Variants in TIAM2 observed in about 807,000 individuals in gnomAD.
The protein encoded by TIAM2 is rho guanine nucleotide exchange factor TIAM2.
TIAM2 carries 80 observed loss-of-function variants against 152.9 expected under a neutral mutation model. The observed-to-expected ratio is 0.52, with a 90% CI of 0.44 to 0.63. The LOEUF is 0.63. Ranked by LOEUF, TIAM2 falls within the 30% of genes least tolerant of loss-of-function variation. The pLI, the probability that TIAM2 is intolerant of heterozygous loss-of-function variation, is 0.00. For synonymous variants in TIAM2, 804 were observed against 838.0 expected (o/e 0.96, Z 0.70); for missense variants, 1,965 against 2,120.1 (o/e 0.93, Z 1.44).
chr6:155,240,833 T>C, intron 16 of TIAM2, 124 bp downstream of exon 16: 1 of 971,968 alleles, frequency 1.0e-6, no homozygotes, highest in Non-Finnish European at 1.5e-6. Flanking sequence ...GGACACCTGC[T>C]CCTTGAATCA....
At chr6:155,032,614 C>T (rs1776846548) in intron 1 of TIAM2, among the ~76,000 whole-genome samples, 1 of 152,098 alleles carries the variant, frequency 6.6e-6, no homozygotes, top group Non-Finnish European at 1.5e-5. Context: ...GATCTCGGCT[C>T]ACTGCAACCT....
chr6:155,223,899 C>G (rs182489797), intron 15 of TIAM2, among the ~76,000 whole-genome samples: 1 of 152,238 alleles, frequency 6.6e-6, no homozygotes, highest in East Asian at 1.9e-4. Flanking sequence ...CGCCCTTTTT[C>G]TTTTAAAGAA....
chr6:155,142,844 G>A (rs1381871261), intron 5 of TIAM2, among the ~76,000 whole-genome samples: 1 of 152,296 alleles, frequency 6.6e-6, no homozygotes, highest in Admixed American at 6.5e-5. Flanking sequence ...TACTGCTTCC[G>A]AAGTCCAAGC....
intron 7 of TIAM2, among the ~76,000 whole-genome samples, chr6:155,158,974 G>T (rs1020638788): frequency 2.0e-5 from 3 of 152,040 alleles, no homozygotes; most frequent in African/African-American, 7.2e-5. Context: ...ATGTGGTCAG[G>T]TAATACATTA....
chr6:155,251,817 T>C, intron 22 of TIAM2, 128 bp from the exon 23 acceptor site: 2 of 708,660 alleles, frequency 2.8e-6, no homozygotes, highest in Non-Finnish European at 4.9e-6. Context: ...TTCACTCATG[T>C]TGGCAGAGTG....
chr6:155,132,368 T>A (rs1263033368), intron 4 of TIAM2, among the ~76,000 whole-genome samples: 1 of 151,610 alleles, frequency 6.6e-6, no homozygotes, highest in Non-Finnish European at 1.5e-5. Context: ...TACTTCCTTC[T>A]GATGTATATA....
chr6:155,183,733 T>TA (rs1276163687), intron 14 of TIAM2, among the ~76,000 whole-genome samples: 1 of 151,716 alleles, frequency 6.6e-6, no homozygotes, highest in Non-Finnish European at 1.5e-5. Flanking sequence ...AAATAACATT[T>TA]AAAAAAAAAT....
intron 1 of TIAM2, among the ~76,000 whole-genome samples, chr6:155,038,966 T>TC (rs1776971196): frequency 6.8e-6 from 1 of 147,368 alleles, no homozygotes; most frequent in South Asian, 2.2e-4. Flanking sequence ...TTTTTTTTTT[T>TC]TTTTTTTTTT....
At chr6:155,216,365 C>G (rs558442640) in intron 15 of TIAM2, among the ~76,000 whole-genome samples, 1 of 152,334 alleles carries the variant, frequency 6.6e-6, no homozygotes, top group Admixed American at 6.5e-5. Flanking sequence ...TTACTAACAA[C>G]TATTCTAGAC....
chr6:155,110,318 C>CTTTTTTTTTTT (rs67332964), intron 2 of TIAM2, among the ~76,000 whole-genome samples: 15 of 133,792 alleles, frequency 1.1e-4, no homozygotes, highest in East Asian at 4.2e-4. Context: ...TCTTTCTTTT[C>CTTTTTTTTTTT]TTTTTTTTTT....
At chr6:155,082,388 C>T (rs1255910656) in intron 1 of TIAM2, among the ~76,000 whole-genome samples, 3 of 152,018 alleles carry the variant, frequency 2.0e-5, no homozygotes, top group Middle Eastern at 3.4e-3. Context: ...CTGTGGCTCA[C>T]GCCTGTAATC....
chr6:155,119,912 C>G (rs1361902645), intron 2 of TIAM2, among the ~76,000 whole-genome samples: 2 of 152,218 alleles, frequency 1.3e-5, no homozygotes, highest in African/African-American at 4.8e-5. Context: ...CTGCTAGTCT[C>G]TCTTCTGCTC....
chr6:155,216,949 A>C, intron 15 of TIAM2: 1 of 1,216,540 alleles, frequency 8.2e-7, no homozygotes. Flanking sequence ...TTGGAAGAGC[A>C]GTTTGGGATT....
intron 14 of TIAM2, among the ~76,000 whole-genome samples, chr6:155,190,767 G>A (rs9480081): frequency 0.85 from 129,341 of 151,990 alleles, 55,297 homozygotes; most frequent in East Asian, 1. Context: ...CCGGCTCTCT[G>A]TGAAGCAGTA....
At chr6:155,134,161 G>A (rs1291562420) in intron 4 of TIAM2, among the ~76,000 whole-genome samples, 2 of 151,742 alleles carry the variant, frequency 1.3e-5, no homozygotes, top group East Asian at 3.9e-4. Context: ...GTGTGTGTGT[G>A]TATATATATA....
intron 22 of TIAM2, 86 bp downstream of exon 22, chr6:155,251,107 C>T: frequency 8.5e-7 from 1 of 1,171,714 alleles, no homozygotes; most frequent in Non-Finnish European, 1.3e-6. Flanking sequence ...CCAGCTCACT[C>T]CTGAGCTCCA....
At chr6:155,066,066 G>T (rs1777687577) in intron 1 of TIAM2, among the ~76,000 whole-genome samples, 1 of 152,156 alleles carries the variant, frequency 6.6e-6, no homozygotes, top group Non-Finnish European at 1.5e-5. Flanking sequence ...CCACTCTGAA[G>T]CCTTCCCGGA....
At chr6:155,236,653 ACT>A (rs1319632918) in intron 15 of TIAM2, among the ~76,000 whole-genome samples, 2 of 152,084 alleles carry the variant, frequency 1.3e-5, no homozygotes, top group African/African-American at 2.4e-5. Flanking sequence ...ACAGAGCAAG[ACT>A]CTGTCTCAAA....
At chr6:155,009,349 G>A (rs1022763045) in intron 1 of TIAM2, among the ~76,000 whole-genome samples, 38 of 151,974 alleles carry the variant, frequency 2.5e-4, no homozygotes, top group Admixed American at 1.6e-3. Context: ...TGGTCTGCCT[G>A]GCTTGGCCTC....
Sources: allele counts gnomAD v4.1 joint callset (sites outside exome capture counted in the v4.1 genomes callset), GRCh38; gene constraint gnomAD v4.1.1; transcripts MANE v1.5; gene names NCBI Gene and HGNC (gene_info 2026-07-23, HGNC 2026-07-21).